Variants in CSMD1 observed in about 807,000 individuals in gnomAD.
CSMD1 encodes the protein CUB and Sushi multiple domains 1.
In CSMD1, 213 loss-of-function variants were observed where a neutral mutation model predicts 417.5. That is an observed-to-expected ratio of 0.51 (90% CI 0.46 to 0.57). The LOEUF is 0.57. Among genes scored for constraint, CSMD1 ranks in the 20% least tolerant of loss-of-function variants. CSMD1 has a pLI of 0.00. For synonymous variants in CSMD1, 2,862 were observed against 1,736.8 expected, an observed-to-expected ratio of 1.65 and a Z score of -16.11; for missense variants, 6,923 against 4,529.7, an observed-to-expected ratio of 1.53 and a Z score of -15.17.
chr8:3,311,443 T>A (rs1805338783), intron 23 of CSMD1, among the ~76,000 whole-genome samples: 1 of 152,054 alleles, frequency 6.6e-6, no homozygotes, highest in Non-Finnish European at 1.5e-5. Flanking sequence ...AGAGTCAGGG[T>A]TTCACCACGT....
rs1034423494 is a variant in CSMD1 at position 4,183,675 on chromosome 8, T to G, written c.416-151576A>C. 4.6e-5 allele frequency among the ~76,000 whole-genome samples: 7 copies of G among 152,184 alleles called. No homozygotes were observed. The East Asian group carries it at 1.3e-3, about 29-fold the overall frequency. On this transcript the variant is annotated intron_variant, in intron 3 of 69. Transcript: ENST00000635120. Reference sequence around the variant, plus strand: ...CCTTACAAATACTTAACAAAAATAATTTTGTTGTGAGCAGAGAAATTTAAA... The same window carrying G: ...CCTTACAAATACTTAACAAAAATAAGTTTGTTGTGAGCAGAGAAATTTAAA...
At chr8:3,314,254 AAAT>A (rs1317672095) in intron 23 of CSMD1, among the ~76,000 whole-genome samples, 4 of 152,208 alleles carry the variant, frequency 2.6e-5, no homozygotes, top group African/African-American at 9.7e-5. Context: ...TATAATAAAA[AAAT>A]AAAAAATAAA....
chr8:3,411,286 T>C (rs1345415805), intron 12 of CSMD1, among the ~76,000 whole-genome samples: 3 of 152,162 alleles, frequency 2.0e-5, no homozygotes, highest in Non-Finnish European at 4.4e-5. Context: ...TTCATGGGCT[T>C]GCACTTTATT....
Position 3,162,183 on chromosome 8 carries a change from C to A in CSMD1, c.5820G>T (p.Gln1940His), listed in dbSNP as rs568872453. The A allele has an allele frequency of 8.7e-6, 14 of 1,608,582 alleles. No individual in the cohort carries two copies. The East Asian group carries it at 1.6e-4, about 18-fold the overall frequency. The change falls in exon 38 of 70, where the codon CAG (glutamine) becomes CAT (histidine). Residue 1940 changes from glutamine to histidine, a missense_variant. Physicochemically the swap from Gln to His is conservative, Grantham distance 24. Transcript: ENST00000635120. ...RYMVNDVLSF[Q>H]CEPGYTLQGR... is the part of the protein sequence containing the mutation. ...CCTGCAGGGTGTACCCGGGCTCGCACTGGAAGGAGAGCACGTCGTTCACCA... is the reference window on the plus strand; with the variant it reads ...CCTGCAGGGTGTACCCGGGCTCGCAATGGAAGGAGAGCACGTCGTTCACCA...
chr8:3,864,701 G>C (rs1460232242), intron 5 of CSMD1, among the ~76,000 whole-genome samples: 1 of 152,072 alleles, frequency 6.6e-6, no homozygotes, highest in African/African-American at 2.4e-5. Context: ...CCTACTGGGA[G>C]GTTGGAACAT....
chr8:4,014,467 C>G (rs1276847136), intron 4 of CSMD1, among the ~76,000 whole-genome samples: 1 of 152,154 alleles, frequency 6.6e-6, no homozygotes, highest in Non-Finnish European at 1.5e-5. Context: ...CTCTAAGAAG[C>G]TTTTTAGACA....
At chr8:4,074,846 G>C (rs370400046) in intron 3 of CSMD1, among the ~76,000 whole-genome samples, 7 of 151,930 alleles carry the variant, frequency 4.6e-5, no homozygotes, top group African/African-American at 1.7e-4. Flanking sequence ...AATTTTCTGA[G>C]TTTTTTTTCT....
At chr8:4,448,956 T>G (rs1276751425) in intron 2 of CSMD1, among the ~76,000 whole-genome samples, 1 of 152,198 alleles carries the variant, frequency 6.6e-6, no homozygotes, top group Non-Finnish European at 1.5e-5. Context: ...TGTACCTGTT[T>G]CTCTTCTGGA....
rs200684932 is a variant in CSMD1, at chr8:4,576,694, C to T, written c.302+60648G>A. On this transcript the variant is annotated intron_variant, in intron 2 of 69. Coordinates refer to ENST00000635120, the MANE Select transcript of CSMD1 (RefSeq NM_033225.6). ...AATAATAGCCTTCAGTCATAAGTAG[C>T]TAGAAGTCTGATAATCTCTTTCTAA... 2.0e-5 allele frequency among the ~76,000 whole-genome samples: 3 copies of T among 152,130 alleles called. No homozygotes were observed. The East Asian group carries it at 5.8e-4, about 29-fold the overall frequency.
intron 41 of CSMD1, among the ~76,000 whole-genome samples, chr8:3,119,399 A>AC (rs1458751961): frequency 1.4e-5 from 2 of 146,036 alleles, no homozygotes; most frequent in Non-Finnish European, 3.0e-5. Flanking sequence ...AAAAAAAAAA[A>AC]AAAAAAAAAA....
chr8:4,155,014 A>G (rs1441711244), intron 3 of CSMD1, among the ~76,000 whole-genome samples: 1 of 152,214 alleles, frequency 6.6e-6, no homozygotes, highest in Admixed American at 6.5e-5. Flanking sequence ...TTCTGCAGTG[A>G]TAAACCTCAT....
chr8:3,499,020 A>G (rs1324019425), intron 10 of CSMD1, among the ~76,000 whole-genome samples: 1 of 152,218 alleles, frequency 6.6e-6, no homozygotes, highest in African/African-American at 2.4e-5. Flanking sequence ...ATGGAATTAG[A>G]AAATGATTTT....
intron 1 of CSMD1, among the ~76,000 whole-genome samples, chr8:4,937,769 C>T (rs998009321): frequency 4.7e-5 from 7 of 148,784 alleles, no homozygotes; most frequent in African/African-American, 1.7e-4. Context: ...AGAAGTTTCT[C>T]ACACAGTGGC....
chr8:3,312,006 C>CTTAT (rs1427819914), intron 23 of CSMD1, among the ~76,000 whole-genome samples: 2 of 152,070 alleles, frequency 1.3e-5, no homozygotes, highest in African/African-American at 4.8e-5. Flanking sequence ...CAAAAATAGG[C>CTTAT]TTATTTTAAA....
chr8:3,535,117 T>A (rs113694808), intron 10 of CSMD1, among the ~76,000 whole-genome samples: 5,710 of 142,386 alleles, frequency 0.04, 311 homozygotes, highest in African/African-American at 0.15. Context: ...CAGCTAATAT[T>A]TTTTTTTTTT....
intron 39 of CSMD1, among the ~76,000 whole-genome samples, chr8:3,151,749 C>G (rs1168785912): frequency 1.3e-5 from 2 of 152,188 alleles, no homozygotes; most frequent in African/African-American, 4.8e-5. Context: ...ATCTTCTCCT[C>G]TCACACTCAA....
chr8:4,469,508 C>T (rs1057316484), intron 2 of CSMD1, among the ~76,000 whole-genome samples: 13 of 152,154 alleles, frequency 8.5e-5, no homozygotes, highest in Admixed American at 8.5e-4. Flanking sequence ...TTACCTAGAA[C>T]CAAACCTATT....
chr8:3,417,422 C>T (rs1199713616), intron 12 of CSMD1, among the ~76,000 whole-genome samples: 3 of 152,184 alleles, frequency 2.0e-5, no homozygotes, highest in Non-Finnish European at 4.4e-5. Flanking sequence ...ATTTACACAA[C>T]TTCTTATATG....
At chr8:3,232,244 A>G (rs75202213) in intron 26 of CSMD1, among the ~76,000 whole-genome samples, 2 of 152,200 alleles carry the variant, frequency 1.3e-5, no homozygotes, top group African/African-American at 4.8e-5. Flanking sequence ...TTAGCCACAT[A>G]TATCAGTTTC....
Sources: gnomAD v4.1 joint callset for allele counts (sites outside exome capture counted in the v4.1 genomes callset) on GRCh38, gnomAD v4.1.1 for gene constraint, MANE v1.5 for transcripts, NCBI Gene and HGNC (gene_info 2026-07-23, HGNC 2026-07-21) for gene names.